Variants in FSTL5 observed in about 807,000 individuals in gnomAD.
FSTL5 encodes the protein follistatin-related protein 5.
FSTL5 carries 62 observed loss-of-function variants against 89.1 expected under a neutral mutation model. The ratio of observed to expected loss-of-function variants is 0.70; its 90% CI spans 0.57 to 0.86. The LOEUF (loss-of-function observed/expected upper bound fraction) is 0.86. Ranked by LOEUF, FSTL5 falls within the 40% of genes least tolerant of loss-of-function variation. FSTL5 has a pLI of 0.00. For missense variants in FSTL5, 1,057 were observed against 1,001.6 expected, an observed-to-expected ratio of 1.06 and a Z score of -0.75; for synonymous variants, 383 against 346.2, an observed-to-expected ratio of 1.11 and a Z score of -1.18.
chr4:161,384,305 T>C lies in FSTL5; in HGVS notation c.*1442A>G, dbSNP rs1730537525. 1 of 152,132 alleles carries C rather than the reference T, an allele frequency of 6.6e-6. No individual in the cohort carries two copies. The highest frequency in any genetic ancestry group is 2.4e-5 in the African/African-American group (1 of 41,442). 9.4% of individuals were successfully genotyped at this position (152,132 alleles called of 1,614,324 possible). A position where few individuals can be genotyped will look rare whatever the true frequency, so the allele number is the denominator to read the frequency against. ...TTACCTTAAGTAAATGGAGGTCATT[T>C]CAACAGCCCATTAACATTTTTTTGC... is the stretch of plus-strand genomic sequence containing the variant. On this transcript the variant is annotated 3_prime_UTR_variant, in exon 16 of 16. Coordinates refer to ENST00000306100, the MANE Select transcript of FSTL5 (RefSeq NM_020116.5).
chr4:161,405,468 A>G (rs2110919522), intron 15 of FSTL5, among the ~76,000 whole-genome samples: 1 of 152,268 alleles, frequency 6.6e-6, no homozygotes, highest in East Asian at 1.9e-4. Flanking sequence ...AGCAGGCAGA[A>G]GAAAGAATCA....
At chr4:161,494,428 C>T (rs546055151) in intron 12 of FSTL5, among the ~76,000 whole-genome samples, 7 of 152,180 alleles carry the variant, frequency 4.6e-5, no homozygotes, top group African/African-American at 1.7e-4. Flanking sequence ...GGACTAGAAA[C>T]AGAACAAGGG....
chr4:162,150,766 A>T (rs1450017121), intron 1 of FSTL5, among the ~76,000 whole-genome samples: 2 of 152,182 alleles, frequency 1.3e-5, no homozygotes, highest in African/African-American at 4.8e-5. Context: ...CCTATTACTT[A>T]AAAGTGTTCA....
chr4:161,472,198 C>T (rs989630303), intron 13 of FSTL5, among the ~76,000 whole-genome samples: 14 of 152,014 alleles, frequency 9.2e-5, no homozygotes, highest in African/African-American at 3.4e-4. Flanking sequence ...AGGATGATCT[C>T]GATCTCCTGA....
intron 7 of FSTL5, among the ~76,000 whole-genome samples, chr4:161,606,061 C>T (rs970932910): frequency 6.7e-6 from 1 of 149,218 alleles, no homozygotes; most frequent in Admixed American, 6.6e-5. Flanking sequence ...TGAGACACCA[C>T]GTGGAGTACA....
intron 6 of FSTL5, among the ~76,000 whole-genome samples, chr4:161,723,231 C>T (rs1245008908): frequency 6.6e-6 from 1 of 152,068 alleles, no homozygotes; most frequent in Admixed American, 6.5e-5. Context: ...TCTCCATCCA[C>T]TAAAATATTC....
rs1278214856 is a variant in FSTL5 at position 161,486,143 on chromosome 4, C to CAAA, written c.1459-4977_1459-4975dup. 4.6e-3 allele frequency among the ~76,000 whole-genome samples: 346 copies of CAAA among 75,956 alleles called. 2 individuals are homozygous for CAAA. Among genetic ancestry groups the CAAA allele is most frequent in the African/African-American group, 0.011 (239 of 22,508 alleles). 49.8% of individuals were successfully genotyped at this position (75,956 alleles called of 152,430 possible). ...TTGGCGACAGAGTAAGACTCCGTCT[C>CAAA]AAAAAAAAAAAAAAAAAAAAAAGTA... On this transcript the variant is annotated intron_variant, in intron 12 of 15. Coordinates refer to ENST00000306100, the MANE Select transcript of FSTL5 (RefSeq NM_020116.5).
At chr4:162,120,843 C>G (rs935290488) in intron 1 of FSTL5, among the ~76,000 whole-genome samples, 2 of 151,900 alleles carry the variant, frequency 1.3e-5, no homozygotes, top group African/African-American at 4.8e-5. Context: ...TTTTTAACAG[C>G]TATGTCTCTG....
intron 7 of FSTL5, among the ~76,000 whole-genome samples, chr4:161,597,637 T>C (rs563963548): frequency 7.0e-6 from 1 of 143,540 alleles, no homozygotes; most frequent in African/African-American, 2.6e-5. Context: ...ATAAAAAAAA[T>C]ATGAAACAAA....
chr4:161,784,518 ATCT>A (rs2126813493), intron 4 of FSTL5, among the ~76,000 whole-genome samples: 1 of 152,298 alleles, frequency 6.6e-6, no homozygotes, highest in East Asian at 1.9e-4. Flanking sequence ...AACACTAAAC[ATCT>A]TCTCCACTAA....
intron 8 of FSTL5, among the ~76,000 whole-genome samples, chr4:161,560,228 A>T (rs1732544406): frequency 6.6e-6 from 1 of 151,922 alleles, no homozygotes; most frequent in Non-Finnish European, 1.5e-5. Flanking sequence ...AAGTAAAAGT[A>T]AGATATAATA....
intron 5 of FSTL5, among the ~76,000 whole-genome samples, chr4:161,762,706 T>C (rs1740849525): frequency 6.6e-6 from 1 of 152,208 alleles, no homozygotes; most frequent in South Asian, 2.1e-4. Flanking sequence ...TTTTCACTTG[T>C]TACCTCGGAT....
At chr4:161,521,772 C>T (rs573829757) in intron 10 of FSTL5, among the ~76,000 whole-genome samples, 11 of 146,636 alleles carry the variant, frequency 7.5e-5, no homozygotes, top group African/African-American at 2.8e-4. Flanking sequence ...TGGCGTGAAC[C>T]CGGAAGGCGG....
intron 15 of FSTL5, among the ~76,000 whole-genome samples, chr4:161,416,738 G>A (rs1036199431): frequency 3.1e-4 from 47 of 151,650 alleles, no homozygotes; most frequent in Non-Finnish European, 6.2e-4. Flanking sequence ...CCAGCTACTC[G>A]GGAGGCTGAG....
Position 161,953,563 on chromosome 4 carries a change from A to G in FSTL5, c.161-32911T>C, listed in dbSNP as rs933608655. On this transcript the variant is annotated intron_variant, in intron 3 of 15. Coordinates refer to ENST00000306100, the MANE Select transcript of FSTL5 (RefSeq NM_020116.5). ...AACTCATTTCACTGATTAGTCACACATTTCATAGAATTTGCATACTTCTTT... is the reference window on the plus strand; with the variant it reads ...AACTCATTTCACTGATTAGTCACACGTTTCATAGAATTTGCATACTTCTTT... 1.1e-4 allele frequency among the ~76,000 whole-genome samples: 17 copies of G among 151,674 alleles called. 1 individual carries two copies. The highest frequency in any genetic ancestry group is 3.9e-4 in the African/African-American group (16 of 41,432).
intron 8 of FSTL5, among the ~76,000 whole-genome samples, chr4:161,577,473 C>CAAAAAAAAA (rs544029134): frequency 1.7e-4 from 19 of 110,180 alleles, no homozygotes; most frequent in East Asian, 2.7e-4. Flanking sequence ...AGAAAAAAGA[C>CAAAAAAAAA]AAAAAAAAAA....
At chr4:161,790,968 T>C (rs1729450037) in intron 4 of FSTL5, among the ~76,000 whole-genome samples, 1 of 140,566 alleles carries the variant, frequency 7.1e-6, no homozygotes, top group Non-Finnish European at 1.5e-5. Flanking sequence ...CATGACCATG[T>C]CCCTAGCACG....
At chr4:161,911,148 T>C (rs1733679996) in intron 4 of FSTL5, among the ~76,000 whole-genome samples, 1 of 152,120 alleles carries the variant, frequency 6.6e-6, no homozygotes, top group South Asian at 2.1e-4. Context: ...TTTTCGAAAG[T>C]CATTATTGAT....
At chr4:161,393,456 C>A (rs996775176) in intron 15 of FSTL5, among the ~76,000 whole-genome samples, 2 of 151,788 alleles carry the variant, frequency 1.3e-5, no homozygotes, top group African/African-American at 4.8e-5. Context: ...TATTCCTATG[C>A]CCTGACTTTC....
Sources: allele counts gnomAD v4.1 joint callset (sites outside exome capture counted in the v4.1 genomes callset), GRCh38; gene constraint gnomAD v4.1.1; transcripts MANE v1.5; gene names NCBI Gene and HGNC (gene_info 2026-07-23, HGNC 2026-07-21).